ANKS1B: variants seen among roughly 807,000 people sequenced by gnomAD.
ANKS1B encodes ankyrin repeat and sterile alpha motif domain-containing protein 1B.
ANKS1B carries 36 observed loss-of-function variants against 148.3 expected under a neutral mutation model. That is an observed-to-expected ratio of 0.24 (90% CI 0.19 to 0.32). The LOEUF (loss-of-function observed/expected upper bound fraction) is 0.32, where lower values mean the gene tolerates loss of function less well. ANKS1B is among the 10% of genes least tolerant of loss of function. ANKS1B has a pLI of 1.00. For synonymous variants in ANKS1B, 542 were observed against 560.8 expected, an observed-to-expected ratio of 0.97 and a Z score of 0.47; for missense variants, 1,157 against 1,542.6, an observed-to-expected ratio of 0.75 and a Z score of 4.19.
intron 4 of ANKS1B, among the ~76,000 whole-genome samples, chr12:99,796,760 A>G (rs934383677): frequency 6.6e-6 from 1 of 151,958 alleles, no homozygotes. Context: ...TAAAAAAGCA[A>G]TTAGAAAACC....
intron 10 of ANKS1B, among the ~76,000 whole-genome samples, chr12:99,498,861 C>T (rs1054275453): frequency 2.6e-5 from 4 of 152,158 alleles, no homozygotes; most frequent in Non-Finnish European, 5.9e-5. Flanking sequence ...TCAGTAACTC[C>T]AAGAGAGGTC....
At chr12:98,885,845 C>T (rs1466947382) in intron 17 of ANKS1B, among the ~76,000 whole-genome samples, 1 of 152,048 alleles carries the variant, frequency 6.6e-6, no homozygotes, top group Non-Finnish European at 1.5e-5. Context: ...TAGATCCAAG[C>T]AATAAAACAT....
chr12:99,922,083 A>C (rs759005798), intron 1 of ANKS1B, among the ~76,000 whole-genome samples: 3 of 152,148 alleles, frequency 2.0e-5, no homozygotes, highest in Non-Finnish European at 2.9e-5. Context: ...CCTCCTCTAT[A>C]AAATGTGGAT....
chr12:99,161,648 G>T (rs879522923), intron 14 of ANKS1B, among the ~76,000 whole-genome samples: 2 of 152,198 alleles, frequency 1.3e-5, no homozygotes, highest in Non-Finnish European at 1.5e-5. Context: ...TAGTTTTAAA[G>T]AAACAGAGAA....
intron 14 of ANKS1B, among the ~76,000 whole-genome samples, chr12:99,224,419 T>C (rs754164906): frequency 2.0e-5 from 3 of 152,174 alleles, no homozygotes; most frequent in Non-Finnish European, 2.9e-5. Flanking sequence ...ATGAATGGTA[T>C]AGCACCATCT....
chr12:99,499,771 T>C (rs77587818), intron 10 of ANKS1B, among the ~76,000 whole-genome samples: 3,854 of 152,192 alleles, frequency 0.025, 77 homozygotes, highest in South Asian at 0.088. Context: ...CCTCCCCAAA[T>C]TGCAGATTTA....
intron 12 of ANKS1B, among the ~76,000 whole-genome samples, chr12:99,293,760 T>C (rs959055001): frequency 1.3e-5 from 2 of 152,130 alleles, no homozygotes; most frequent in African/African-American, 4.8e-5. Context: ...AATACAATAT[T>C]TGCAAACTAT....
intron 15 of ANKS1B, among the ~76,000 whole-genome samples, chr12:99,131,452 T>C (rs2066056630): frequency 6.6e-6 from 1 of 152,210 alleles, no homozygotes; most frequent in African/African-American, 2.4e-5. Context: ...CCCAGGACTT[T>C]GGCCAAGCAC....
intron 17 of ANKS1B, among the ~76,000 whole-genome samples, chr12:99,000,457 C>A (rs1377417102): frequency 6.6e-6 from 1 of 151,938 alleles, no homozygotes; most frequent in Non-Finnish European, 1.5e-5. Flanking sequence ...TTAGTAGAGA[C>A]GGGGTTTCAC....
chr12:99,800,422 A>G (rs1409333730), intron 4 of ANKS1B, among the ~76,000 whole-genome samples: 1 of 148,214 alleles, frequency 6.7e-6, no homozygotes, highest in Non-Finnish European at 1.5e-5. Context: ...GTGGCAACCT[A>G]AGCAGACAAT....
chr12:99,616,837 C>T (rs148845609), intron 9 of ANKS1B, among the ~76,000 whole-genome samples: 1 of 152,206 alleles, frequency 6.6e-6, no homozygotes, highest in African/African-American at 2.4e-5. Flanking sequence ...AAGAAGCTAT[C>T]ATCGGAGTGA....
chr12:99,351,395 A>G (rs1228065680), intron 12 of ANKS1B, among the ~76,000 whole-genome samples: 3 of 151,868 alleles, frequency 2.0e-5, no homozygotes, highest in African/African-American at 7.2e-5. Context: ...TTTTGGTGGT[A>G]ATCCTGGAGT....
At chr12:99,511,954 A>G (rs551539523) in intron 9 of ANKS1B, among the ~76,000 whole-genome samples, 1 of 152,254 alleles carries the variant, frequency 6.6e-6, no homozygotes, top group Non-Finnish European at 1.5e-5. Context: ...TAAAACTATA[A>G]AAACCCTAGA....
chr12:99,746,709 G>A (rs1168814741), intron 8 of ANKS1B, among the ~76,000 whole-genome samples: 1 of 152,102 alleles, frequency 6.6e-6, no homozygotes, highest in Non-Finnish European at 1.5e-5. Flanking sequence ...GACTGTATTG[G>A]AAAGTCACAT....
intron 1 of ANKS1B, among the ~76,000 whole-genome samples, chr12:99,888,687 C>T (rs998287184): frequency 1.3e-5 from 2 of 152,140 alleles, no homozygotes; most frequent in African/African-American, 2.4e-5. Context: ...TTCACTACAT[C>T]AGAGTCCCCT....
At chr12:99,316,070 T>C (rs779657731) in intron 12 of ANKS1B, among the ~76,000 whole-genome samples, 18 of 152,332 alleles carry the variant, frequency 1.2e-4, no homozygotes, top group African/African-American at 3.4e-4. Flanking sequence ...CAGTCTATCA[T>C]TGATGGACAT....
intron 8 of ANKS1B, among the ~76,000 whole-genome samples, chr12:99,741,206 A>AACACAC (rs774613671): frequency 0.046 from 6,157 of 135,294 alleles, 199 homozygotes; most frequent in East Asian, 0.077. Flanking sequence ...GGCTCCGTCA[A>AACACAC]ACACACACAC....
intron 17 of ANKS1B, among the ~76,000 whole-genome samples, chr12:98,858,466 C>T (rs2099582941): frequency 6.6e-6 from 1 of 152,188 alleles, no homozygotes; most frequent in Non-Finnish European, 1.5e-5. Flanking sequence ...CCTCTGCCTC[C>T]CGAGTAGCTA....
chr12:99,151,527 C>CAA (rs10710183), intron 15 of ANKS1B, among the ~76,000 whole-genome samples: 1 of 135,714 alleles, frequency 7.4e-6, no homozygotes, highest in East Asian at 2.3e-4. Context: ...GACTCCCACT[C>CAA]AAAAAAAAAA....
Sources: allele counts gnomAD v4.1 joint callset (sites outside exome capture counted in the v4.1 genomes callset), GRCh38; gene constraint gnomAD v4.1.1; transcripts MANE v1.5; gene names NCBI Gene and HGNC (gene_info 2026-07-23, HGNC 2026-07-21).